The following PLIN2 variants were observed in gnomAD, a reference collection of about 807,000 sequenced individuals.
PLIN2 encodes the protein perilipin 2.
A neutral mutation model predicts 30.6 loss-of-function variants in PLIN2; 33 were observed. The observed-to-expected ratio is 1.08, with a 90% CI of 0.82 to 1.44. PLIN2 has a LOEUF of 1.44. Among genes scored for constraint, PLIN2 ranks in the 40% most tolerant of loss-of-function variants. The pLI, the probability that PLIN2 is intolerant of heterozygous loss-of-function variation, is 0.00. For missense variants in PLIN2, 610 were observed against 531.8 expected (o/e 1.15, Z -1.45); for synonymous variants, 205 against 201.1 (o/e 1.02, Z -0.16).
Position 19,118,333 on chromosome 9 carries a change from G to C in PLIN2, c.900C>G (p.Ser300=). ...CCAGTCATCTTACCTCAGCACAGTG[G>C]GACTCATCAGTATCATCATATCCAA... The part of the protein sequence containing the change: ...RSIGYDDTDE[S]HCAEHIESRT... Residue 300 remains serine, a synonymous_variant, in exon 7 of 8, where the codon TCC becomes TCG. Transcript: ENST00000276914. 1 of 1,611,990 alleles carries C rather than the reference G, an allele frequency of 6.2e-7. No individual in the cohort carries two copies. The highest frequency in any genetic ancestry group is 1.1e-5 in the South Asian group (1 of 90,572).
At chr9:19,115,168 G>C (rs887966663), downstream of PLIN2, among the ~76,000 whole-genome samples, 1 of 152,136 alleles carries the variant, frequency 6.6e-6, no homozygotes, top group South Asian at 2.1e-4. Context: ...CACTCACAGG[G>C]GTCCAGTAAG....
downstream of PLIN2, among the ~76,000 whole-genome samples, chr9:19,113,774 G>GT (rs35017527): frequency 0.067 from 8,854 of 131,322 alleles, 339 homozygotes; most frequent in East Asian, 0.11. Context: ...GTTATTTTTG[G>GT]TTTTTTTTTT....
rs755876550 is a variant in PLIN2 at position 19,116,415 on chromosome 9, C to G, written c.1147G>C (p.Glu383Gln). ...TAATCCATCACGTCATCTAAAGATT[C>G]CTTCATTTTCTGCAGCTGCCCCTTG... ...SSKGQLQKMK[E>Q]SLDDVMDYLV... Residue 383 changes from glutamate to glutamine, a missense_variant, in exon 8 of 8, where the codon GAA becomes CAA. By Grantham distance (29) the Glu-to-Gln change is conservative. Transcript: ENST00000276914. 1 of 1,614,220 alleles carries G rather than the reference C, an allele frequency of 6.2e-7. No homozygotes were observed. Among genetic ancestry groups the G allele is most frequent in the Non-Finnish European group, 8.5e-7 (1 of 1,180,046 alleles).
At chr9:19,108,943 G>C (rs1818125005) in intron 2 of PLIN2, among the ~76,000 whole-genome samples, 1 of 152,164 alleles carries the variant, frequency 6.6e-6, no homozygotes. Flanking sequence ...CTTTTAAAAA[G>C]GAAACTAACT....
chr9:19,116,370 G>C lies in PLIN2; in HGVS notation c.1192C>G (p.Leu398Val). Reference sequence around the variant, plus strand: ...TAAAAGGGACCTACCAGCCAGTTGAGGGGCGTGTTGTTAACAAGATAATCC... The same window carrying C: ...TAAAAGGGACCTACCAGCCAGTTGACGGGCGTGTTGTTAACAAGATAATCC... ...VMDYLVNNTP[L>V]NWLVGPFYPQ... The change falls in exon 8 of 8, where the codon CTC (leucine) becomes GTC (valine). Residue 398 changes from leucine to valine, a missense_variant. Coordinates refer to ENST00000276914, the MANE Select transcript of PLIN2 (RefSeq NM_001122.4). 1 of 1,614,174 alleles carries C rather than the reference G, an allele frequency of 6.2e-7. No homozygotes were observed. Among genetic ancestry groups the C allele is most frequent in the Non-Finnish European group, 8.5e-7 (1 of 1,180,034 alleles).
intron 7 of PLIN2, among the ~76,000 whole-genome samples, chr9:19,116,896 A>G (rs1242364328): frequency 6.6e-6 from 1 of 152,200 alleles, no homozygotes; most frequent in African/African-American, 2.4e-5. Context: ...CTAGTGCCTG[A>G]GTCTCCAAAG....
At chr9:19,111,695 G>A (rs1225553382), downstream of PLIN2, among the ~76,000 whole-genome samples, 1 of 152,048 alleles carries the variant, frequency 6.6e-6, no homozygotes, top group Admixed American at 6.6e-5. Flanking sequence ...ATCTCAAAAG[G>A]TAACCAAGAA....
At chr9:19,123,739 G>C in intron 3 of PLIN2, 92 bp from the exon 4 acceptor site, 1 of 1,124,868 alleles carries the variant, frequency 8.9e-7, no homozygotes. Flanking sequence ...GGCAATAATG[G>C]GCTGGGCACG....
At chr9:19,120,282 C>T (rs996116957) in intron 5 of PLIN2, among the ~76,000 whole-genome samples, 13 of 152,014 alleles carry the variant, frequency 8.6e-5, no homozygotes, top group Non-Finnish European at 1.8e-4. Flanking sequence ...AACTCCTGAA[C>T]TCAAGCGATC....
chr9:19,118,374 C>A lies in PLIN2; in HGVS notation c.859G>T (p.Glu287Ter). The change falls in exon 7 of 8, where the codon GAG becomes TAG. Residue 287 changes from glutamate to a stop codon, truncating the protein, a stop_gained. Transcript: ENST00000276914. LOFTEE classifies it high-confidence loss of function. ...AQDKLYLSWVEWKRSIGYDDT... is the reference protein window; with the variant it reads ...AQDKLYLSWV Reference sequence around the variant, plus strand: ...TCATATCCAATGCTCCTTTTCCACTCTACCCATGAGAGGTAGAGCTTATCC... The same window carrying A: ...TCATATCCAATGCTCCTTTTCCACTATACCCATGAGAGGTAGAGCTTATCC... 6.2e-7 allele frequency: 1 copy of A among 1,613,778 alleles called. No homozygotes were observed. Among genetic ancestry groups the A allele is most frequent in the South Asian group, 1.1e-5 (1 of 91,048 alleles).
chr9:19,113,004 ATAACTC>A (rs1270772523), downstream of PLIN2, among the ~76,000 whole-genome samples: 1 of 151,930 alleles, frequency 6.6e-6, no homozygotes, highest in African/African-American at 2.4e-5. Flanking sequence ...GTAACACACT[ATAACTC>A]TTATAATAGG....
chr9:19,118,051 T>C (rs182212933), intron 7 of PLIN2, among the ~76,000 whole-genome samples: 6 of 152,360 alleles, frequency 3.9e-5, no homozygotes, highest in African/African-American at 1.4e-4. Flanking sequence ...CTGTATCCCC[T>C]GTTAGTCTGT....
chr9:19,120,805 T>G, intron 5 of PLIN2, 75 bp downstream of exon 5: 124 of 1,171,688 alleles, frequency 1.1e-4, no homozygotes, highest in Non-Finnish European at 1.4e-4. Flanking sequence ...AGACTCAAGA[T>G]GAGAGTATAT....
chr9:19,119,243 G>A (rs1370061211), intron 6 of PLIN2, among the ~76,000 whole-genome samples: 3 of 152,156 alleles, frequency 2.0e-5, no homozygotes, highest in African/African-American at 7.2e-5. Flanking sequence ...ATAGTCTCTT[G>A]CAACTTTAAA....
intron 2 of PLIN2, among the ~76,000 whole-genome samples, chr9:19,109,629 G>T (rs1818133474): frequency 6.6e-6 from 1 of 150,926 alleles, no homozygotes; most frequent in African/African-American, 2.4e-5. Flanking sequence ...AGGAAAAAAT[G>T]TAGCTGATTA....
At chr9:19,113,775 T>C (rs1206597606), downstream of PLIN2, among the ~76,000 whole-genome samples, 1 of 120,060 alleles carries the variant, frequency 8.3e-6, no homozygotes, top group South Asian at 2.6e-4. Flanking sequence ...TTATTTTTGG[T>C]TTTTTTTTTT....
chr9:19,119,947 T>C, intron 5 of PLIN2, 116 bp from the exon 6 acceptor site: 2 of 661,036 alleles, frequency 3.0e-6, no homozygotes, highest in Non-Finnish European at 5.2e-6. Context: ...TTAGCAATCA[T>C]GCAGTCATTT....
intron 4 of PLIN2, among the ~76,000 whole-genome samples, chr9:19,122,080 G>C (rs1302250240): frequency 3.3e-5 from 4 of 120,836 alleles, no homozygotes; most frequent in African/African-American, 1.3e-4. Context: ...CTGCACTCCA[G>C]CCTGGGTGAC....
Position 19,119,947 on chromosome 9 carries a change from T to A in PLIN2, c.596-116A>T, listed in dbSNP as rs531510433. On this transcript the variant is annotated intron_variant, in intron 5 of 7. Coordinates refer to ENST00000276914, the MANE Select transcript of PLIN2 (RefSeq NM_001122.4). ...CTTCTACCCAATCACTTAGCAATCA[T>A]GCAGTCATTTTTCCAAGACTGCTCA... 7 of 661,036 alleles carry A rather than the reference T, an allele frequency of 1.1e-5. No individual in the cohort carries two copies. The Admixed American group carries it at 2.0e-4, about 19-fold the overall frequency. 40.9% of individuals were successfully genotyped at this position (661,036 alleles called of 1,614,324 possible).
Sources: allele counts gnomAD v4.1 joint callset (sites outside exome capture counted in the v4.1 genomes callset), GRCh38; gene constraint gnomAD v4.1.1; transcripts MANE v1.5; gene names NCBI Gene and HGNC (gene_info 2026-07-23, HGNC 2026-07-21).